Variants in TNS3 observed in about 807,000 individuals in gnomAD.
TNS3 encodes tensin-3.
In TNS3, 45 loss-of-function variants were observed where a neutral mutation model predicts 140.9. The ratio of observed to expected loss-of-function variants is 0.32; its 90% CI spans 0.25 to 0.41. TNS3 has a LOEUF of 0.41. Ranked by LOEUF, TNS3 falls within the 10% of genes least tolerant of loss-of-function variation. TNS3 has a pLI of 1.00. For missense variants in TNS3, 1,716 were observed against 1,906.7 expected, an observed-to-expected ratio of 0.90 and a Z score of 1.86; for synonymous variants, 815 against 788.4, an observed-to-expected ratio of 1.03 and a Z score of -0.56.
intron 25 of TNS3, 132 bp from the exon 26 acceptor site, chr7:47,293,037 T>C (rs1179667278): frequency 4.3e-6 from 3 of 694,444 alleles, no homozygotes; most frequent in Non-Finnish European, 7.3e-6. Context: ...GTATGTTAGA[T>C]TAGTGTGCAG....
chr7:47,487,645 G>A (rs372773114), intron 3 of TNS3, among the ~76,000 whole-genome samples: 10 of 152,212 alleles, frequency 6.6e-5, no homozygotes, highest in African/African-American at 2.4e-4. Context: ...AGAGACAAAC[G>A]GGCCAGCCAC....
At chr7:47,300,251 C>T (rs1020616677) in intron 23 of TNS3, among the ~76,000 whole-genome samples, 6 of 152,156 alleles carry the variant, frequency 3.9e-5, no homozygotes, top group Admixed American at 3.3e-4. Flanking sequence ...GTAGAAGGTT[C>T]GTCTGCACAG....
Position 47,509,708 on chromosome 7 carries a change from C to A in TNS3, c.-152-2764G>T, listed in dbSNP as rs577935645. ...CACAGGAGACAGCCCCCTGCCTGCC[C>A]TACCCCTGCCTGCCCTAACCCTGCC... On this transcript the variant is annotated intron_variant, in intron 2 of 30. Transcript: ENST00000311160. Among the ~76,000 whole-genome samples, 340 of 152,214 alleles carry A rather than the reference C, an allele frequency of 2.2e-3. 2 individuals are homozygous for A. The highest frequency in any genetic ancestry group is 4.1e-3 in the Admixed American group (63 of 15,286).
intron 16 of TNS3, among the ~76,000 whole-genome samples, chr7:47,387,985 T>C (rs34065821): frequency 0.21 from 32,086 of 152,206 alleles, 3,955 homozygotes; most frequent in Non-Finnish European, 0.29. Flanking sequence ...CAGGCTCTTA[T>C]AGACAGGCAC....
Position 47,368,483 on chromosome 7 carries a change from G to A in TNS3, c.2163C>T (p.Asn721=), listed in dbSNP as rs551468286. Reference sequence around the variant, plus strand: ...AGCCATTGGCCTGGCTACCGAGGGCGTTCATGTGGGTAGGGATGGGCTCGA... The same window carrying A: ...AGCCATTGGCCTGGCTACCGAGGGCATTCATGTGGGTAGGGATGGGCTCGA... ...PTFEPIPTHM[N]ALGSQANGSV... The change falls in exon 17 of 31, where the codon AAC becomes AAT. Residue 721 remains asparagine (N), a synonymous_variant. Transcript: ENST00000311160. The A allele has an allele frequency of 6.9e-5, 110 of 1,593,532 alleles. No homozygotes were observed. The highest frequency in any genetic ancestry group is 5.2e-4 in the Admixed American group (31 of 59,058).
At chr7:47,550,935 T>C (rs146171271) in intron 1 of TNS3, among the ~76,000 whole-genome samples, 11 of 152,300 alleles carry the variant, frequency 7.2e-5, no homozygotes, top group African/African-American at 2.6e-4. Flanking sequence ...TGAGGAGTCA[T>C]GCCACCCCAA....
chr7:47,449,991 C>T (rs1028011668), intron 4 of TNS3, among the ~76,000 whole-genome samples: 5 of 152,216 alleles, frequency 3.3e-5, no homozygotes, highest in Admixed American at 2.0e-4. Flanking sequence ...CCCTCCCATG[C>T]GGATCCAGCA....
intron 3 of TNS3, chr7:47,481,753 G>T (rs989681656): frequency 3.1e-6 from 3 of 974,010 alleles, no homozygotes; most frequent in South Asian, 4.8e-5. Flanking sequence ...AGAAAGTAAC[G>T]GAGGCAAGGT....
chr7:47,447,926 T>C, intron 4 of TNS3, among the ~76,000 whole-genome samples: 1 of 152,200 alleles, frequency 6.6e-6, no homozygotes, highest in Admixed American at 6.5e-5. Context: ...AGACCTGAGC[T>C]TCAAAGAGTC....
rs1791137966 is a variant in TNS3 at position 47,372,585 on chromosome 7, A to T, written c.1025-2964T>A. Among the ~76,000 whole-genome samples, 4 of 152,324 alleles carry T rather than the reference A, an allele frequency of 2.6e-5. No homozygotes were observed. In the South Asian group the frequency reaches 8.3e-4, roughly 32 times the overall value. ...TGAATAATCCTATTTTATTAGTAGT[A>T]GAAATCTTAAAATAATAATAGATGC... On this transcript the variant is annotated intron_variant, in intron 16 of 30. Coordinates refer to ENST00000311160, the MANE Select transcript of TNS3 (RefSeq NM_022748.12).
At chr7:47,571,444 G>A (rs2278874) in intron 1 of TNS3, among the ~76,000 whole-genome samples, 87,455 of 152,182 alleles carry the variant, frequency 0.57, 25,881 homozygotes, top group Middle Eastern at 0.65. Context: ...CTGCACCCAC[G>A]CTGGGGACTT....
At chr7:47,309,224 A>G (rs559420837) in intron 20 of TNS3, among the ~76,000 whole-genome samples, 25 of 152,316 alleles carry the variant, frequency 1.6e-4, no homozygotes, top group African/African-American at 6.0e-4. Flanking sequence ...ATAATAAATC[A>G]AGTCTCTGTT....
At chr7:47,282,836 G>A (rs1785219361) in intron 28 of TNS3, among the ~76,000 whole-genome samples, 1 of 152,242 alleles carries the variant, frequency 6.6e-6, no homozygotes, top group East Asian at 1.9e-4. Context: ...GCTACAGAGG[G>A]GAAGATCCTG....
chr7:47,414,819 C>T (rs1372465514), intron 11 of TNS3, among the ~76,000 whole-genome samples: 2 of 152,200 alleles, frequency 1.3e-5, no homozygotes, highest in African/African-American at 4.8e-5. Flanking sequence ...CAGAACAATG[C>T]TTGTCTGCCC....
intron 13 of TNS3, among the ~76,000 whole-genome samples, chr7:47,410,615 G>T (rs1172273012): frequency 2.6e-5 from 4 of 152,224 alleles, no homozygotes; most frequent in Non-Finnish European, 5.9e-5. Context: ...GACCAGCAAG[G>T]TAGGGAGTTC....
intron 22 of TNS3, 89 bp downstream of exon 22, chr7:47,302,861 G>T: frequency 1.3e-6 from 2 of 1,495,110 alleles, no homozygotes; most frequent in South Asian, 1.4e-5. Flanking sequence ...CAGCACTAGA[G>T]ATATGCCAGC....
rs572782299 is a variant in TNS3, at chr7:47,407,693, A to C, written c.723+4034T>G. 7.9e-5 allele frequency among the ~76,000 whole-genome samples: 12 copies of C among 152,312 alleles called. No homozygotes were observed. Among genetic ancestry groups the C allele is most frequent in the African/African-American group, 2.9e-4 (12 of 41,580 alleles). ...GGGGTCTTCACAAAGGTAAATTAAA[A>C]TGAGGTCATTAGGCTGGGCCCGAAT... On this transcript the variant is annotated intron_variant, in intron 13 of 30. Transcript: ENST00000311160. The surrounding 1 kb of genome is among the most constrained non-coding windows in gnomAD (Gnocchi z 4.1).
intron 17 of TNS3, among the ~76,000 whole-genome samples, chr7:47,351,054 T>G (rs1562624193): frequency 6.6e-6 from 1 of 152,182 alleles, no homozygotes; most frequent in African/African-American, 2.4e-5. Flanking sequence ...TCTTTCAGGG[T>G]TTTCGCCAGT....
intron 4 of TNS3, among the ~76,000 whole-genome samples, chr7:47,479,326 G>A (rs981882377): frequency 1.3e-5 from 2 of 152,250 alleles, no homozygotes; most frequent in African/African-American, 4.8e-5. Context: ...ACAGGCTTCA[G>A]CCAGGGCCTC....
Sources: allele counts gnomAD v4.1 joint callset (sites outside exome capture counted in the v4.1 genomes callset), GRCh38; gene constraint gnomAD v4.1.1; non-coding constraint Gnocchi (gnomAD v3.1); transcripts MANE v1.5; gene names NCBI Gene and HGNC (gene_info 2026-07-23, HGNC 2026-07-21).